RRP1B: variants seen among roughly 807,000 people sequenced by gnomAD.
RRP1B encodes ribosomal RNA processing protein 1 homolog B.
RRP1B carries 56 observed loss-of-function variants against 80.2 expected under a neutral mutation model. The ratio of observed to expected loss-of-function variants is 0.70; its 90% CI spans 0.56 to 0.87. The LOEUF is 0.87. Ranked by LOEUF, RRP1B falls within the 40% of genes least tolerant of loss-of-function variation. The pLI is 0.00. For synonymous variants in RRP1B, 351 were observed against 357.6 expected, an observed-to-expected ratio of 0.98 and a Z score of 0.21; for missense variants, 807 against 939.8, an observed-to-expected ratio of 0.86 and a Z score of 1.85.
intron 8 of RRP1B, among the ~76,000 whole-genome samples, chr21:43,681,261 C>CAGATAGATAGATAGATAGAT (rs372143608): frequency 6.7e-6 from 1 of 149,636 alleles, no homozygotes; most frequent in Admixed American, 6.6e-5. Context: ...AATAAATAAA[C>CAGATAGATAGATAGATAGAT]AGATAGATAG....
intron 8 of RRP1B, among the ~76,000 whole-genome samples, chr21:43,682,630 T>C (rs910144340): frequency 9.2e-5 from 14 of 152,236 alleles, no homozygotes; most frequent in African/African-American, 2.9e-4. Context: ...GGCGATGCCG[T>C]GTCCCATCCG....
At position 43,659,639 on chromosome 21, in the gene RRP1B, C is replaced by T. The variant is rs1446007255; in HGVS notation, c.-26C>T. 7.5e-6 allele frequency: 11 copies of T among 1,459,472 alleles called. No homozygotes were observed. Among genetic ancestry groups the T allele is most frequent in the Non-Finnish European group, 4.5e-6 (5 of 1,104,608 alleles). 90.4% of individuals were successfully genotyped at this position (1,459,472 alleles called of 1,614,324 possible). On this transcript the variant is annotated 5_prime_UTR_variant, in exon 1 of 16. Coordinates refer to ENST00000340648, the MANE Select transcript of RRP1B (RefSeq NM_015056.3). The surrounding 1 kb of genome is among the most constrained non-coding windows in gnomAD (Gnocchi z 4.2). ...GGCTGCAGCGGCACCGCGGGTTGCG[C>T]GGCCGGGGATGCTCCAGCGGGCGCG... is the stretch of plus-strand genomic sequence containing the variant.
At chr21:43,677,972 G>A (rs1001946791) in intron 8 of RRP1B, among the ~76,000 whole-genome samples, 6 of 152,230 alleles carry the variant, frequency 3.9e-5, no homozygotes, top group Admixed American at 2.6e-4. Context: ...ACAAGCGTAT[G>A]CAAGTGTCTT....
intron 1 of RRP1B, among the ~76,000 whole-genome samples, chr21:43,662,410 A>G (rs1436480604): frequency 6.6e-6 from 1 of 152,208 alleles, no homozygotes; most frequent in Admixed American, 6.5e-5. Flanking sequence ...GGACAAGAAA[A>G]CACAAGGTCT....
Position 43,675,162 on chromosome 21 carries a change from A to G in RRP1B, c.548A>G (p.Glu183Gly). 6.2e-7 allele frequency: 1 copy of G among 1,613,694 alleles called. No homozygotes were observed. The highest frequency in any genetic ancestry group is 2.2e-5 in the East Asian group (1 of 44,878). Residue 183 changes from glutamate to glycine, a missense_variant and splice_region_variant, in exon 6 of 16, where the codon GAG (glutamate) becomes GGG (glycine). Physicochemically the swap from Glu to Gly is moderately conservative, Grantham distance 98 (BLOSUM62 -2). Transcript: ENST00000340648. ...GAACTCTCCAAAGTCGGGGGGAAGG[A>G]GGTAAGCAGCTGCCGACAGGCTGCC... ...LDELSKVGGKELLADQNLKFI... is the reference protein window; with the variant it reads ...LDELSKVGGKGLLADQNLKFI...
chr21:43,666,883 G>A (rs1321801317), intron 1 of RRP1B, among the ~76,000 whole-genome samples: 4 of 100,064 alleles, frequency 4.0e-5, no homozygotes, highest in Non-Finnish European at 7.5e-5. Context: ...ATCTTTTTCT[G>A]TACAGTTTAT....
Position 43,693,077 on chromosome 21 carries a change from G to A in RRP1B, c.2084-113G>A. On this transcript the variant is annotated intron_variant, in intron 15 of 15. Coordinates refer to ENST00000340648, the MANE Select transcript of RRP1B (RefSeq NM_015056.3). This position sits in a 1 kb window ranked among gnomAD's most constrained non-coding sequence, Gnocchi z 4.1. ...CTCTGCAGGGCCTTGAGATGGCCCTGCTTCGTCCTAGCAAGTGGGTGGGGT... is the reference window on the plus strand; with the variant it reads ...CTCTGCAGGGCCTTGAGATGGCCCTACTTCGTCCTAGCAAGTGGGTGGGGT... The A allele has an allele frequency of 1.8e-6, 2 of 1,090,892 alleles. No individual in the cohort carries two copies. The highest frequency in any genetic ancestry group is 1.6e-5 in the African/African-American group (1 of 63,096). The allele number at this position is 1,090,892 out of a possible 1,614,324, so 67.6% of individuals were successfully genotyped here.
At chr21:43,683,961 A>G (rs892222368) in intron 9 of RRP1B, among the ~76,000 whole-genome samples, 2 of 118,110 alleles carry the variant, frequency 1.7e-5, no homozygotes, top group African/African-American at 7.1e-5. Context: ...CCTGGGTGAC[A>G]GACTCTGGCT....
chr21:43,693,101 G>T lies in RRP1B; in HGVS notation c.2084-89G>T, dbSNP rs757287526. ...TGCTTCGTCCTAGCAAGTGGGTGGG[G>T]TCGGCACCCAGGCAGGACGCTGTCT... On this transcript the variant is annotated intron_variant, in intron 15 of 15. Transcript: ENST00000340648. This position sits in a 1 kb window ranked among gnomAD's most constrained non-coding sequence, Gnocchi z 4.1. 2.9e-5 allele frequency: 40 copies of T among 1,392,186 alleles called. No homozygotes were observed. The highest frequency in any genetic ancestry group is 3.9e-5 in the Non-Finnish European group (39 of 998,742). The allele number at this position is 1,392,186 out of a possible 1,614,324, so 86.2% of individuals were successfully genotyped here. A position where few individuals can be genotyped will look rare whatever the true frequency, so the allele number is the denominator to read the frequency against.
Position 43,687,604 on chromosome 21 carries a change from G to A in RRP1B, c.1230G>A (p.Gln410=). Reference sequence around the variant, plus strand: ...AGAAGAAGAAGAAGCACCACCTGCAGCCTGAAAATCCAGGCCCAGGGGGTG... The same window carrying A: ...AGAAGAAGAAGAAGCACCACCTGCAACCTGAAAATCCAGGCCCAGGGGGTG... ...RRKKKKKHHL[Q]PENPGPGGAA... Residue 410 remains glutamine, a synonymous_variant, in exon 13 of 16, where the codon CAG becomes CAA. Coordinates refer to ENST00000340648, the MANE Select transcript of RRP1B (RefSeq NM_015056.3). The A allele has an allele frequency of 6.6e-7, 1 of 1,520,756 alleles. No individual in the cohort carries two copies. Among genetic ancestry groups the A allele is most frequent in the Non-Finnish European group, 8.8e-7 (1 of 1,139,610 alleles). 94.2% of individuals were successfully genotyped at this position (1,520,756 alleles called of 1,614,324 possible).
rs1460401068 is a variant in RRP1B, at chr21:43,676,267, T to C, written c.550-5T>C. On this transcript the variant is annotated splice_region_variant and splice_polypyrimidine_tract_variant and intron_variant, in intron 6 of 15. Coordinates refer to ENST00000340648, the MANE Select transcript of RRP1B (RefSeq NM_015056.3). ...TCTCAATTTTTCCCTTTTTCTAAAT[T>C]ACAGCTTTTAGCAGATCAGAATCTC... The C allele has an allele frequency of 6.2e-7, 1 of 1,603,024 alleles. No individual in the cohort carries two copies. Among genetic ancestry groups the C allele is most frequent in the Admixed American group, 1.7e-5 (1 of 57,636 alleles).
chr21:43,686,355 T>C (rs2083063025), intron 11 of RRP1B: 1 of 170,208 alleles, frequency 5.9e-6, no homozygotes, highest in African/African-American at 2.4e-5. Flanking sequence ...GGATACTCTA[T>C]GAAGGTAAAA....
intron 1 of RRP1B, among the ~76,000 whole-genome samples, chr21:43,661,200 C>T (rs897173424): frequency 7.2e-5 from 11 of 152,230 alleles, no homozygotes; most frequent in African/African-American, 2.7e-4. Flanking sequence ...TTTAGTCTCA[C>T]AGTTCCAGGT....
At chr21:43,679,474 T>C (rs1224191456) in intron 8 of RRP1B, among the ~76,000 whole-genome samples, 2 of 152,178 alleles carry the variant, frequency 1.3e-5, no homozygotes, top group Admixed American at 1.3e-4. Flanking sequence ...GGTTTCACCA[T>C]GTTGGCCAGG....
chr21:43,672,582 A>T (rs1453658424), intron 3 of RRP1B, among the ~76,000 whole-genome samples: 6 of 152,194 alleles, frequency 3.9e-5, no homozygotes, highest in African/African-American at 1.4e-4. Context: ...TAGAAATAAC[A>T]ATCCTCCAGA....
At position 43,675,179 on chromosome 21, in the gene RRP1B, C is replaced by G. The variant is rs2083016883; in HGVS notation, c.549+16C>G. 1 of 1,612,308 alleles carries G rather than the reference C, an allele frequency of 6.2e-7. No individual in the cohort carries two copies. Among genetic ancestry groups the G allele is most frequent in the Non-Finnish European group, 8.5e-7 (1 of 1,179,566 alleles). On this transcript the variant is annotated intron_variant, in intron 6 of 15. Coordinates refer to ENST00000340648, the MANE Select transcript of RRP1B (RefSeq NM_015056.3). ...GGGGAAGGAGGTAAGCAGCTGCCGA[C>G]AGGCTGCCCACGGGGTGAGGGGGCC...
intron 1 of RRP1B, among the ~76,000 whole-genome samples, chr21:43,667,158 C>T (rs1458811015): frequency 2.0e-5 from 3 of 152,084 alleles, no homozygotes; most frequent in South Asian, 4.1e-4. Context: ...TGTTAATGAT[C>T]GGTCGGTGGG....
intron 6 of RRP1B, among the ~76,000 whole-genome samples, chr21:43,675,749 G>A (rs534183013): frequency 6.6e-6 from 1 of 152,150 alleles, no homozygotes; most frequent in African/African-American, 2.4e-5. Context: ...GGTTTGTCCA[G>A]CCCGCAGCCT....
At chr21:43,671,148 C>T (rs939209853) in intron 2 of RRP1B, among the ~76,000 whole-genome samples, 2 of 152,076 alleles carry the variant, frequency 1.3e-5, no homozygotes, top group Non-Finnish European at 2.9e-5. Context: ...CCAGAGTGAG[C>T]CTGCTGCACC....
Sources: gnomAD v4.1 joint callset for allele counts (sites outside exome capture counted in the v4.1 genomes callset) on GRCh38, gnomAD v4.1.1 for gene constraint, Gnocchi (gnomAD v3.1) non-coding constraint, MANE v1.5 for transcripts, NCBI Gene and HGNC (gene_info 2026-07-23, HGNC 2026-07-21) for gene names.